Variants in CRYBA4 observed in about 807,000 individuals in gnomAD.
CRYBA4 encodes the protein crystallin beta A4, also known as beta-crystallin A4.
CRYBA4 carries 30 observed loss-of-function variants against 31.7 expected under a neutral mutation model. The observed-to-expected ratio is 0.95, with a 90% CI of 0.71 to 1.28. The LOEUF (loss-of-function observed/expected upper bound fraction) is 1.28. Ranked by LOEUF, CRYBA4 falls within the 50% of genes most tolerant of loss-of-function variation. The pLI, the probability that CRYBA4 is intolerant of heterozygous loss-of-function variation, is 0.00. For synonymous variants in CRYBA4, 102 were observed against 102.3 expected (o/e 1.00, Z 0.02); for missense variants, 225 against 260.7 (o/e 0.86, Z 0.94).
intron 5 of CRYBA4, among the ~76,000 whole-genome samples, chr22:26,630,007 T>C (rs897441069): frequency 6.6e-6 from 1 of 152,250 alleles, no homozygotes; most frequent in East Asian, 1.9e-4. Context: ...ACAAATAATT[T>C]GAAAACTATC....
chr22:26,622,906 A>T (rs1278292817), intron 2 of CRYBA4, among the ~76,000 whole-genome samples: 2 of 152,190 alleles, frequency 1.3e-5, no homozygotes, highest in Non-Finnish European at 2.9e-5. Flanking sequence ...TGTTTGTTTT[A>T]TAAAGCTTTT....
the CRYBA4 span, among the ~76,000 whole-genome samples, chr22:26,605,793 G>A: frequency 1.3e-5 from 2 of 148,836 alleles, no homozygotes; most frequent in Admixed American, 6.8e-5. Flanking sequence ...AACTTCCCAC[G>A]ACAGGGGGCT....
chr22:26,601,230 G>T, the CRYBA4 span, among the ~76,000 whole-genome samples: 1 of 152,320 alleles, frequency 6.6e-6, no homozygotes, highest in Admixed American at 6.5e-5. Context: ...GTCATTTGGA[G>T]GCAGGGGGAT....
At chr22:26,627,364 C>CCCTCCCTCCCT in intron 4 of CRYBA4, among the ~76,000 whole-genome samples, 1 of 30,308 alleles carries the variant, frequency 3.3e-5, no homozygotes, top group Non-Finnish European at 5.8e-5. Context: ...TCCCTCCTTT[C>CCCTCCCTCCCT]TTTCTTTCTT....
the CRYBA4 span, among the ~76,000 whole-genome samples, chr22:26,594,575 T>G: frequency 3.3e-5 from 5 of 152,158 alleles, no homozygotes; most frequent in Non-Finnish European, 5.9e-5. Flanking sequence ...TCAGGCATTG[T>G]ATTTTAAAGC....
At chr22:26,592,830 G>T in the CRYBA4 span, among the ~76,000 whole-genome samples, 1 of 152,198 alleles carries the variant, frequency 6.6e-6, no homozygotes, top group Non-Finnish European at 1.5e-5. Flanking sequence ...CCCAGAGAGG[G>T]GATGTGGGCA....
intron 4 of CRYBA4, among the ~76,000 whole-genome samples, chr22:26,627,432 TTC>T (rs1249177267): frequency 1.7e-5 from 2 of 116,092 alleles, no homozygotes; most frequent in African/African-American, 7.6e-5. Context: ...TTCTTTTTCT[TTC>T]TTTCTTTCTT....
the CRYBA4 span, among the ~76,000 whole-genome samples, chr22:26,616,888 A>G: frequency 6.6e-6 from 1 of 152,314 alleles, no homozygotes; most frequent in East Asian, 1.9e-4. Flanking sequence ...ATTTCAACTC[A>G]AGGAAATGGA....
chr22:26,627,805 C>A (rs9620621), intron 4 of CRYBA4, among the ~76,000 whole-genome samples: 1 of 151,954 alleles, frequency 6.6e-6, no homozygotes, highest in Non-Finnish European at 1.5e-5. Context: ...TGTGCCACCA[C>A]GCTTGGCTAA....
chr22:26,591,538 C>G, the CRYBA4 span, among the ~76,000 whole-genome samples: 1 of 150,776 alleles, frequency 6.6e-6, no homozygotes, highest in African/African-American at 2.4e-5. Flanking sequence ...GTCAGGAATC[C>G]AAGACCAGCC....
At chr22:26,592,174 T>C in the CRYBA4 span, among the ~76,000 whole-genome samples, 2 of 152,168 alleles carry the variant, frequency 1.3e-5, no homozygotes, top group African/African-American at 4.8e-5. Context: ...GATAGACACA[T>C]AGATTAAACA....
the CRYBA4 span, among the ~76,000 whole-genome samples, chr22:26,615,275 C>A: frequency 6.6e-6 from 1 of 152,184 alleles, no homozygotes; most frequent in Non-Finnish European, 1.5e-5. Context: ...CAGACCACCT[C>A]GAGCAATTTT....
the CRYBA4 span, chr22:26,612,034 G>C: frequency 6.9e-7 from 1 of 1,439,580 alleles, no homozygotes; most frequent in Non-Finnish European, 9.8e-7. Flanking sequence ...TCATTTTACT[G>C]TGGCAGAGAG....
At chr22:26,590,262 A>G in the CRYBA4 span, 10 of 146,930 alleles carry the variant, frequency 6.8e-5, no homozygotes, top group East Asian at 2.2e-3. Context: ...CTGGTCGGGA[A>G]GTTTCCCGGA....
At chr22:26,599,125 G>A in the CRYBA4 span, among the ~76,000 whole-genome samples, 3 of 152,146 alleles carry the variant, frequency 2.0e-5, no homozygotes, top group African/African-American at 7.2e-5. Flanking sequence ...CGAATGCCCT[G>A]GCTGGACCAT....
chr22:26,625,393 A>G, intron 3 of CRYBA4, 88 bp from the exon 4 acceptor site: 3 of 1,479,582 alleles, frequency 2.0e-6, no homozygotes, highest in South Asian at 2.3e-5. Flanking sequence ...AATGGTTGTG[A>G]CTGTGACCGT....
upstream of CRYBA4, among the ~76,000 whole-genome samples, chr22:26,619,670 G>A (rs976313991): frequency 5.9e-5 from 9 of 152,164 alleles, no homozygotes; most frequent in Non-Finnish European, 1.2e-4. Flanking sequence ...GCCTCTCCTT[G>A]GCCTTTCATC....
At chr22:26,617,161 A>G (rs1455981229), upstream of CRYBA4, among the ~76,000 whole-genome samples, 1 of 152,152 alleles carries the variant, frequency 6.6e-6, no homozygotes, top group African/African-American at 2.4e-5. Flanking sequence ...GGGTTCTGAA[A>G]ATGAGGACTG....
At chr22:26,622,680 G>A (rs1237390209) in intron 2 of CRYBA4, 45 bp downstream of exon 2, 1 of 1,368,002 alleles carries the variant, frequency 7.3e-7, no homozygotes, top group Non-Finnish European at 1.0e-6. Flanking sequence ...GTATGGGGAG[G>A]GTTCAGGTCC....
Sources: gnomAD v4.1 joint callset for allele counts (sites outside exome capture counted in the v4.1 genomes callset) on GRCh38, gnomAD v4.1.1 for gene constraint, MANE v1.5 for transcripts, NCBI Gene and HGNC (gene_info 2026-07-23, HGNC 2026-07-21) for gene names.